Variants in GABRR2 observed in about 807,000 individuals in gnomAD.
GABRR2 encodes the protein gamma-aminobutyric acid receptor subunit rho-2.
Under a neutral mutation model 47.0 loss-of-function variants are expected in GABRR2, and 36 were observed. That is an observed-to-expected ratio of 0.77 (90% CI 0.59 to 1.01). The LOEUF (loss-of-function observed/expected upper bound fraction) is 1.01. GABRR2 is among the 50% of genes least tolerant of loss of function. The pLI, the probability that GABRR2 is intolerant of heterozygous loss-of-function variation, is 0.00. For missense variants in GABRR2, 587 were observed against 594.6 expected (o/e 0.99, Z 0.13); for synonymous variants, 204 against 227.5 (o/e 0.90, Z 0.93).
chr6:89,264,495 C>G lies in GABRR2; in HGVS notation c.1003G>C (p.Val335Leu). Reference sequence around the variant, plus strand: ...GCATACTCCAGCACCGAGAGGAACACGAACACAAAGCTGACCCAGAGGTAG... The same window carrying G: ...GCATACTCCAGCACCGAGAGGAACAGGAACACAAAGCTGACCCAGAGGTAG... ...DIYLWVSFVF[V>L]FLSVLEYAAV... Residue 335 changes from valine (V) to leucine (L), a missense_variant, in exon 8 of 9, where the codon GTG (valine) becomes CTG (leucine). Physicochemically the swap from Val to Leu is conservative, Grantham distance 32. Transcript: ENST00000402938. The G allele has an allele frequency of 6.2e-7, 1 of 1,614,108 alleles. No individual in the cohort carries two copies. Among genetic ancestry groups the G allele is most frequent in the Non-Finnish European group, 8.5e-7 (1 of 1,180,012 alleles).
chr6:89,298,137 C>T (rs995389471), intron 2 of GABRR2, among the ~76,000 whole-genome samples: 8 of 152,134 alleles, frequency 5.3e-5, no homozygotes, highest in Admixed American at 2.0e-4. Context: ...CTTCCGTGGG[C>T]GTCAATCAGG....
At position 89,265,663 on chromosome 6, in the gene GABRR2, C is replaced by A. The variant is rs1246968103; in HGVS notation, c.839G>T (p.Trp280Leu). ...FPATLMVMLS[W>L]VSFWIDRRAV... The stretch of plus-strand genomic sequence containing the variant: ...TCTGCGGTCGATCCAGAAGGACACC[C>A]AGGACAGCATGACCATCAGAGTGGC... The change falls in exon 7 of 9, where the codon TGG becomes TTG. Residue 280 changes from tryptophan (W) to leucine (L), a missense_variant. Trp to Leu is a moderately conservative substitution (Grantham distance 61). Coordinates refer to ENST00000402938, the MANE Select transcript of GABRR2 (RefSeq NM_002043.5). 6.2e-7 allele frequency: 1 copy of A among 1,614,030 alleles called. No homozygotes were observed. Among genetic ancestry groups the A allele is most frequent in the Admixed American group, 1.7e-5 (1 of 59,994 alleles).
Position 89,257,683 on chromosome 6 carries a change from G to T in GABRR2, c.1385C>A (p.Ser462Ter). ...SYIFFNLIYW[S>*]VFS is the part of the protein sequence containing the mutation. ...GCCTTGGAGCCCCTAGGAAAACACT[G>T]ACCAATAAATTAAGTTGAAAAATAT... Residue 462 changes from serine to a stop codon, truncating the protein, a stop_gained, in exon 9 of 9, where the codon TCA (serine) becomes TAA (stop). Coordinates refer to ENST00000402938, the MANE Select transcript of GABRR2 (RefSeq NM_002043.5). LOFTEE classifies it high-confidence loss of function. The T allele has an allele frequency of 1.9e-6, 3 of 1,612,234 alleles. No individual in the cohort carries two copies. In the South Asian group the frequency reaches 3.3e-5, roughly 18 times the overall value.
rs191092207 is a variant in GABRR2, at chr6:89,293,152, C to A, written c.220+6607G>T. Among the ~76,000 whole-genome samples the A allele has an allele frequency of 3.3e-5, 5 of 152,144 alleles. No individual in the cohort carries two copies. The East Asian group carries it at 7.7e-4, about 24-fold the overall frequency. ...AAGGAAATTCTATCACATACTACAA[C>A]ATGTACCTTGAAGACATTATGCTAG... On this transcript the variant is annotated intron_variant, in intron 2 of 8. Transcript: ENST00000402938.
At chr6:89,277,868 TGG>T (rs141786803) in intron 2 of GABRR2, among the ~76,000 whole-genome samples, 1 of 84,402 alleles carries the variant, frequency 1.2e-5, no homozygotes, top group African/African-American at 4.4e-5. Flanking sequence ...TGGGCGGGGG[TGG>T]GGGGGGGTGG....
At position 89,310,365 on chromosome 6, in the gene GABRR2, CTG is replaced by C. The variant is rs201514364; in HGVS notation, c.113+4686_113+4687del. ...GGAAGGTCCCTGCTTCTGCCAGAAA[CTG>C]TGTCTTTCAGAACAAAGTACTCTGG... On this transcript the variant is annotated intron_variant, in intron 1 of 8. Coordinates refer to ENST00000402938, the MANE Select transcript of GABRR2 (RefSeq NM_002043.5). Among the ~76,000 whole-genome samples the C allele has an allele frequency of 9.2e-3, 1,404 of 152,264 alleles. 24 individuals are homozygous for C. Among genetic ancestry groups the C allele is most frequent in the African/African-American group, 0.031 (1,293 of 41,530 alleles).
intron 1 of GABRR2, among the ~76,000 whole-genome samples, chr6:89,306,630 C>T (rs1767563568): frequency 6.6e-6 from 1 of 152,212 alleles, no homozygotes. Flanking sequence ...CTGGTCAGTC[C>T]TTCCTCTAAA....
chr6:89,260,998 C>T (rs1042300135), intron 8 of GABRR2, among the ~76,000 whole-genome samples: 4 of 152,234 alleles, frequency 2.6e-5, no homozygotes, highest in African/African-American at 7.2e-5. Flanking sequence ...CTCAGGATGT[C>T]TGTTCTCACA....
At chr6:89,267,960 G>T in intron 5 of GABRR2, 54 bp downstream of exon 5, 3 of 1,582,628 alleles carry the variant, frequency 1.9e-6, no homozygotes, top group Non-Finnish European at 2.6e-6. Context: ...TACTAAAATG[G>T]CACAAAGATC....
At position 89,264,538 on chromosome 6, in the gene GABRR2, G is replaced by A. The variant is rs775423372; in HGVS notation, c.960C>T (p.Tyr320=). 8.7e-6 allele frequency: 14 copies of A among 1,614,016 alleles called. No homozygotes were observed. The highest frequency in any genetic ancestry group is 4.4e-5 in the South Asian group (4 of 91,080). The part of the protein sequence containing the change: ...GVNASMPRVS[Y]VKAVDIYLWV... ...AGAGGTAGATGTCCACGGCCTTGAC[G>A]TAGGAGACGCGCGGCATGGAGGCAT... Residue 320 remains tyrosine (Y), a synonymous_variant, in exon 8 of 9, where the codon TAC becomes TAT. Transcript: ENST00000402938.
At chr6:89,315,004 G>A (rs757870089) in intron 1 of GABRR2, 49 bp downstream of exon 1, 3 of 1,539,192 alleles carry the variant, frequency 1.9e-6, no homozygotes, top group Non-Finnish European at 2.7e-6. Context: ...TGCCACTGCT[G>A]CTGCTACTAT....
chr6:89,296,664 A>G (rs1774559429), intron 2 of GABRR2, among the ~76,000 whole-genome samples: 1 of 152,184 alleles, frequency 6.6e-6, no homozygotes, highest in Non-Finnish European at 1.5e-5. Context: ...GGAGGGCCCC[A>G]CAGAAGGGCC....
In GABRR2 at chr6:89,257,625, C is replaced by T; in HGVS notation, c.*45G>A. 3 of 1,482,192 alleles carry T rather than the reference C, an allele frequency of 2.0e-6. No individual in the cohort carries two copies. The highest frequency in any genetic ancestry group is 2.8e-6 in the Non-Finnish European group (3 of 1,088,502). The allele number at this position is 1,482,192 out of a possible 1,614,324, so 91.8% of individuals were successfully genotyped here. The stretch of plus-strand genomic sequence containing the variant: ...GTCCGTCTGTCAATGACTGGCCAGG[C>T]CCCCTCGATGTCTATGCCCTCTTCT... On this transcript the variant is annotated 3_prime_UTR_variant, in exon 9 of 9. Transcript: ENST00000402938.
chr6:89,304,252 A>G (rs1767512580), intron 1 of GABRR2, among the ~76,000 whole-genome samples: 1 of 152,200 alleles, frequency 6.6e-6, no homozygotes, highest in Admixed American at 6.5e-5. Context: ...AATTTACAAG[A>G]AAAAAACAAA....
intron 2 of GABRR2, among the ~76,000 whole-genome samples, chr6:89,295,648 A>G (rs1203526509): frequency 6.6e-6 from 1 of 151,864 alleles, no homozygotes; most frequent in Non-Finnish European, 1.5e-5. Flanking sequence ...CCCATTTGTC[A>G]ATTTTGGCTT....
chr6:89,267,945 A>G (rs1466285895), intron 5 of GABRR2, 69 bp downstream of exon 5: 1 of 1,578,506 alleles, frequency 6.3e-7, no homozygotes, highest in Admixed American at 1.7e-5. Context: ...GCTCAGTCTC[A>G]TGATTACTAA....
At chr6:89,281,306 A>C (rs1774252285) in intron 2 of GABRR2, among the ~76,000 whole-genome samples, 1 of 152,258 alleles carries the variant, frequency 6.6e-6, no homozygotes, top group African/African-American at 2.4e-5. Flanking sequence ...AAGCATTCAT[A>C]ATATGATCCA....
At chr6:89,267,291 C>A (rs551545580) in intron 6 of GABRR2, among the ~76,000 whole-genome samples, 4 of 152,282 alleles carry the variant, frequency 2.6e-5, no homozygotes, top group African/African-American at 9.6e-5. Context: ...TTAGGCTGAG[C>A]ATGATGGCTC....
intron 6 of GABRR2, among the ~76,000 whole-genome samples, chr6:89,266,374 A>T (rs1773895029): frequency 6.6e-6 from 1 of 152,194 alleles, no homozygotes; most frequent in Non-Finnish European, 1.5e-5. Flanking sequence ...AGGTTGGAAT[A>T]GTTCTATTTT....
Sources: allele counts gnomAD v4.1 joint callset (sites outside exome capture counted in the v4.1 genomes callset), GRCh38; gene constraint gnomAD v4.1.1; transcripts MANE v1.5; gene names NCBI Gene and HGNC (gene_info 2026-07-23, HGNC 2026-07-21).